The following PDLIM5 variants were observed in gnomAD, a reference collection of about 807,000 sequenced individuals.
PDLIM5 encodes the protein PDZ and LIM domain 5.
A neutral mutation model predicts 64.2 loss-of-function variants in PDLIM5; 34 were observed. That is an observed-to-expected ratio of 0.53 (90% CI 0.40 to 0.71). PDLIM5 has a LOEUF of 0.71. Ranked by LOEUF, PDLIM5 falls within the 30% of genes least tolerant of loss-of-function variation. The probability of loss-of-function intolerance (pLI) is 0.00; values close to 1 mark genes in which losing one functional copy is unlikely to be tolerated. For synonymous variants in PDLIM5, 253 were observed against 269.1 expected, an observed-to-expected ratio of 0.94 and a Z score of 0.59; for missense variants, 683 against 733.6, an observed-to-expected ratio of 0.93 and a Z score of 0.80.
intron 2 of PDLIM5, among the ~76,000 whole-genome samples, chr4:94,480,406 A>G (rs1377420632): frequency 6.6e-6 from 1 of 152,244 alleles, no homozygotes; most frequent in Non-Finnish European, 1.5e-5. Flanking sequence ...TTGGTAGAGC[A>G]GAGAAATCAA....
chr4:94,616,486 A>G (rs577201189), intron 7 of PDLIM5, among the ~76,000 whole-genome samples: 2 of 152,326 alleles, frequency 1.3e-5, no homozygotes, highest in South Asian at 4.1e-4. Flanking sequence ...GAGATGTAAA[A>G]TAATTTGTCC....
At chr4:94,554,795 AT>A (rs1733130188) in intron 3 of PDLIM5, among the ~76,000 whole-genome samples, 1 of 152,190 alleles carries the variant, frequency 6.6e-6, no homozygotes, top group South Asian at 2.1e-4. Context: ...TACATTCTAT[AT>A]CTATATATAT....
intron 9 of PDLIM5, among the ~76,000 whole-genome samples, chr4:94,647,648 A>T (rs1336816454): frequency 1.3e-5 from 2 of 152,202 alleles, no homozygotes; most frequent in African/African-American, 4.8e-5. Flanking sequence ...AATACCAAGT[A>T]TACTTCACCA....
At chr4:94,613,871 A>T (rs1738556994) in intron 7 of PDLIM5, among the ~76,000 whole-genome samples, 3 of 152,128 alleles carry the variant, frequency 2.0e-5, no homozygotes, top group Admixed American at 1.3e-4. Flanking sequence ...TACTATATTA[A>T]TACATTAATC....
At chr4:94,638,669 T>C (rs1437567203) in intron 8 of PDLIM5, among the ~76,000 whole-genome samples, 1 of 152,260 alleles carries the variant, frequency 6.6e-6, no homozygotes, top group Non-Finnish European at 1.5e-5. Context: ...GTATTATTTG[T>C]ATGCTTTTCT....
chr4:94,458,453 C>T (rs541822602), intron 2 of PDLIM5, among the ~76,000 whole-genome samples: 4 of 151,982 alleles, frequency 2.6e-5, no homozygotes, highest in Admixed American at 6.6e-5. Context: ...ATTTAACCCC[C>T]GTAGTTGTAG....
intron 7 of PDLIM5, among the ~76,000 whole-genome samples, chr4:94,591,108 G>A (rs1736642100): frequency 1.3e-5 from 2 of 152,200 alleles, no homozygotes; most frequent in South Asian, 2.1e-4. Context: ...ACACTTTGGT[G>A]TATTACATTT....
At chr4:94,500,591 A>G (rs1727822521) in intron 2 of PDLIM5, among the ~76,000 whole-genome samples, 1 of 152,310 alleles carries the variant, frequency 6.6e-6, no homozygotes, top group East Asian at 1.9e-4. Context: ...TTTATTTTCC[A>G]TAAAAGAAGT....
intron 7 of PDLIM5, among the ~76,000 whole-genome samples, chr4:94,602,231 T>C (rs1009216442): frequency 1.3e-5 from 2 of 152,192 alleles, no homozygotes; most frequent in African/African-American, 4.8e-5. Flanking sequence ...GATCATTTTA[T>C]CATATTTATA....
In PDLIM5 at chr4:94,665,219, C is replaced by T; in HGVS notation, c.*1152C>T. 1.4e-5 allele frequency: 11 copies of T among 799,826 alleles called. No individual in the cohort carries two copies. Among genetic ancestry groups the T allele is most frequent in the Non-Finnish European group, 1.7e-5 (11 of 659,864 alleles). 49.5% of individuals were successfully genotyped at this position (799,826 alleles called of 1,614,324 possible). ...AAATAGAGGGCCAGGTGTGGTGGCT[C>T]ACGCCTGTGATCCCAGCACTTTGGG... On this transcript the variant is annotated 3_prime_UTR_variant, in exon 13 of 13. Coordinates refer to ENST00000317968, the MANE Select transcript of PDLIM5 (RefSeq NM_006457.5).
chr4:94,639,835 C>T (rs907844225), intron 8 of PDLIM5, among the ~76,000 whole-genome samples: 5 of 152,074 alleles, frequency 3.3e-5, no homozygotes, highest in East Asian at 3.9e-4. Flanking sequence ...TCAAGACCAG[C>T]GGACCAACAT....
intron 7 of PDLIM5, among the ~76,000 whole-genome samples, chr4:94,597,556 A>C (rs2110342438): frequency 6.6e-6 from 1 of 152,244 alleles, no homozygotes; most frequent in East Asian, 1.9e-4. Flanking sequence ...AAATAACCAA[A>C]ACCCAGAGGT....
chr4:94,494,905 C>T (rs778657630), intron 2 of PDLIM5, among the ~76,000 whole-genome samples: 9 of 152,008 alleles, frequency 5.9e-5, no homozygotes, highest in Non-Finnish European at 7.4e-5. Flanking sequence ...CACGTCGCCA[C>T]GCCCGGATAA....
intron 9 of PDLIM5, among the ~76,000 whole-genome samples, chr4:94,648,715 G>C (rs1291877690): frequency 6.6e-6 from 1 of 152,160 alleles, no homozygotes; most frequent in Non-Finnish European, 1.5e-5. Context: ...TAGAGATCCA[G>C]ATCTTCTTCC....
chr4:94,558,497 A>G (rs1005984615), intron 3 of PDLIM5, among the ~76,000 whole-genome samples: 2 of 152,172 alleles, frequency 1.3e-5, no homozygotes, highest in Non-Finnish European at 2.9e-5. Flanking sequence ...TTTCCTGTCT[A>G]CATATGAGTG....
chr4:94,489,738 C>A (rs540748714), intron 2 of PDLIM5, among the ~76,000 whole-genome samples: 1 of 151,998 alleles, frequency 6.6e-6, no homozygotes, highest in East Asian at 1.9e-4. Context: ...CCAGCCTGGG[C>A]AACATAGGGA....
chr4:94,578,311 C>A (rs1204370726), intron 5 of PDLIM5, among the ~76,000 whole-genome samples: 1 of 152,082 alleles, frequency 6.6e-6, no homozygotes, highest in Non-Finnish European at 1.5e-5. Context: ...TATTATAGAG[C>A]CTTTATGATG....
At chr4:94,581,772 T>C (rs894517285) in intron 5 of PDLIM5, among the ~76,000 whole-genome samples, 5 of 152,230 alleles carry the variant, frequency 3.3e-5, no homozygotes, top group Admixed American at 1.3e-4. Context: ...GTTTATACTT[T>C]AGTCTTTTCT....
intron 2 of PDLIM5, among the ~76,000 whole-genome samples, chr4:94,484,983 T>A (rs1726184529): frequency 6.6e-6 from 1 of 152,134 alleles, no homozygotes; most frequent in Non-Finnish European, 1.5e-5. Flanking sequence ...TATTGAAACC[T>A]CATGTGACTA....
Sources: allele counts gnomAD v4.1 joint callset (sites outside exome capture counted in the v4.1 genomes callset), GRCh38; gene constraint gnomAD v4.1.1; transcripts MANE v1.5; gene names NCBI Gene and HGNC (gene_info 2026-07-23, HGNC 2026-07-21).